MACROD2: variants seen among roughly 807,000 people sequenced by gnomAD.
MACROD2 encodes the protein mono-ADP ribosylhydrolase 2, also known as ADP-ribose glycohydrolase MACROD2.
MACROD2 carries 36 observed loss-of-function variants against 70.4 expected under a neutral mutation model. The observed-to-expected ratio is 0.51, with a 90% confidence interval of 0.39 to 0.68. The LOEUF is 0.68. Among genes scored for constraint, MACROD2 ranks in the 30% least tolerant of loss-of-function variants. MACROD2 has a pLI of 0.00. For missense variants in MACROD2, 496 were observed against 538.4 expected (o/e 0.92, Z 0.78); for synonymous variants, 172 against 178.8 (o/e 0.96, Z 0.30).
intron 8 of MACROD2, among the ~76,000 whole-genome samples, chr20:15,658,407 T>C (rs1171916053): frequency 6.6e-6 from 1 of 152,164 alleles, no homozygotes; most frequent in Non-Finnish European, 1.5e-5. Flanking sequence ...TGGCTGTGAG[T>C]TGGAATCATC....
chr20:15,281,461 G>A (rs959730596), intron 6 of MACROD2, among the ~76,000 whole-genome samples: 1 of 152,120 alleles, frequency 6.6e-6, no homozygotes, highest in South Asian at 2.1e-4. Context: ...ACAGGCATTG[G>A]ATAAATGCAC....
At chr20:14,556,216 T>C (rs4814312) in intron 4 of MACROD2, among the ~76,000 whole-genome samples, 35,208 of 151,904 alleles carry the variant, frequency 0.23, 4,444 homozygotes, top group Non-Finnish European at 0.27. Flanking sequence ...TTACTTTCAG[T>C]TCCACCAAAA....
intron 10 of MACROD2, among the ~76,000 whole-genome samples, chr20:15,904,864 G>C (rs537142654): frequency 7.2e-6 from 1 of 138,838 alleles, no homozygotes; most frequent in African/African-American, 2.8e-5. Flanking sequence ...CTGCGCGAAA[G>C]AGAGAGACTC....
Position 14,682,672 on chromosome 20 carries a change from T to A in MACROD2, c.302-2171T>A, listed in dbSNP as rs527550335. Among the ~76,000 whole-genome samples, 10 of 152,238 alleles carry A rather than the reference T, an allele frequency of 6.6e-5. No individual in the cohort carries two copies. The South Asian group carries it at 2.1e-3, about 32-fold the overall frequency. ...ATTACAGTCTATGGCATTGATGGGC[T>A]TTTATTTATTTAACCAGCTCCTGTT... is the stretch of plus-strand genomic sequence containing the variant. On this transcript the variant is annotated intron_variant, in intron 4 of 17. Transcript: ENST00000684519.
At chr20:14,393,926 C>T (rs561588246) in intron 3 of MACROD2, among the ~76,000 whole-genome samples, 1 of 152,212 alleles carries the variant, frequency 6.6e-6, no homozygotes, top group South Asian at 2.1e-4. Flanking sequence ...CCTTCTCTAC[C>T]ATATGAGGAC....
chr20:15,967,889 A>G (rs1256179130), intron 13 of MACROD2, among the ~76,000 whole-genome samples: 1 of 152,140 alleles, frequency 6.6e-6, no homozygotes, highest in African/African-American at 2.4e-5. Flanking sequence ...TGAATTCTAT[A>G]AGCACTGGGT....
chr20:14,872,181 A>G (rs548588185), intron 5 of MACROD2, among the ~76,000 whole-genome samples: 56 of 152,248 alleles, frequency 3.7e-4, no homozygotes, highest in Non-Finnish European at 7.6e-4. Flanking sequence ...ATAGACATCT[A>G]CAGAACTCTC....
rs139720643 is a variant in MACROD2, at chr20:15,254,092, AC to A, written c.540+24032del. Among the ~76,000 whole-genome samples the A allele has an allele frequency of 2.0e-5, 3 of 152,202 alleles. No homozygotes were observed. The East Asian group carries it at 5.8e-4, about 30-fold the overall frequency. On this transcript the variant is annotated intron_variant, in intron 6 of 17. Transcript: ENST00000684519. ...GTTAGTTCCAACTTAGGGGACACTT[AC>A]TTTAAAATGTCTCTTCACCCTGCAG... is the stretch of plus-strand genomic sequence containing the variant.
intron 8 of MACROD2, among the ~76,000 whole-genome samples, chr20:15,501,973 C>T (rs6034208): frequency 0.028 from 4,309 of 152,124 alleles, 199 homozygotes; most frequent in African/African-American, 0.095. Context: ...TTCATTAATT[C>T]ACTCATTTGA....
chr20:14,162,622 CT>C (rs1249366570), intron 3 of MACROD2, among the ~76,000 whole-genome samples: 2 of 150,896 alleles, frequency 1.3e-5, no homozygotes, highest in Non-Finnish European at 3.0e-5. Flanking sequence ...TAATGATGAC[CT>C]TTTTTTTTCT....
rs139431485 is a variant in MACROD2, at chr20:15,587,913, T to G, written c.645+88066T>G. 1.8e-3 allele frequency among the ~76,000 whole-genome samples: 270 copies of G among 152,276 alleles called. 1 individual carries two copies. The highest frequency in any genetic ancestry group is 6.3e-3 in the African/African-American group (260 of 41,556). On this transcript the variant is annotated intron_variant, in intron 8 of 17. Transcript: ENST00000684519. ...TGAAAGCTGTCAGTGGATCTACCAT[T>G]CTGGGGTCTGGAGGATGGTGGCCCT...
At chr20:15,691,525 G>A (rs115806106) in intron 8 of MACROD2, among the ~76,000 whole-genome samples, 1,733 of 152,274 alleles carry the variant, frequency 0.011, 36 homozygotes, top group African/African-American at 0.039. Flanking sequence ...ATACAAACTA[G>A]AACATTAGAT....
At chr20:15,072,335 T>C (rs1259168444) in intron 5 of MACROD2, among the ~76,000 whole-genome samples, 2 of 152,170 alleles carry the variant, frequency 1.3e-5, no homozygotes, top group African/African-American at 4.8e-5. Context: ...GGAGTAATTT[T>C]TGTATGGTTA....
intron 3 of MACROD2, among the ~76,000 whole-genome samples, chr20:14,213,754 T>G (rs950587588): frequency 1.3e-5 from 2 of 152,124 alleles, no homozygotes; most frequent in African/African-American, 2.4e-5. Context: ...AATATTACAT[T>G]TAAAATTAAT....
At chr20:14,226,665 A>G (rs2081738491) in intron 3 of MACROD2, among the ~76,000 whole-genome samples, 3 of 152,170 alleles carry the variant, frequency 2.0e-5, no homozygotes, top group Admixed American at 1.3e-4. Context: ...GCGGCTGCGG[A>G]GGGTGTACTG....
At chr20:15,563,720 C>G (rs2048274877) in intron 8 of MACROD2, among the ~76,000 whole-genome samples, 1 of 152,114 alleles carries the variant, frequency 6.6e-6, no homozygotes, top group Admixed American at 6.5e-5. Context: ...TTATTGCACA[C>G]TTCTAGCTCT....
intron 10 of MACROD2, among the ~76,000 whole-genome samples, chr20:15,922,550 G>A (rs371955367): frequency 6.6e-6 from 1 of 152,176 alleles, no homozygotes; most frequent in Admixed American, 6.5e-5. Flanking sequence ...ATCACAGTGG[G>A]CAATACAGCT....
chr20:15,189,146 T>G (rs994230962), intron 5 of MACROD2, among the ~76,000 whole-genome samples: 1 of 152,070 alleles, frequency 6.6e-6, no homozygotes, highest in African/African-American at 2.4e-5. Context: ...CATGCCACCT[T>G]TTTCATAAGG....
chr20:15,077,975 G>A (rs1045368509), intron 5 of MACROD2, among the ~76,000 whole-genome samples: 13 of 152,064 alleles, frequency 8.5e-5, no homozygotes, highest in African/African-American at 3.1e-4. Flanking sequence ...GACTCAATGC[G>A]GGGAAAGGGC....
Sources: gnomAD v4.1 joint callset for allele counts (sites outside exome capture counted in the v4.1 genomes callset) on GRCh38, gnomAD v4.1.1 for gene constraint, MANE v1.5 for transcripts, NCBI Gene and HGNC (gene_info 2026-07-23, HGNC 2026-07-21) for gene names.